Variants in DAB1 observed in about 807,000 individuals in gnomAD.
The protein encoded by DAB1 is DAB adaptor protein 1.
DAB1 carries 15 observed loss-of-function variants against 64.6 expected under a neutral mutation model. The observed-to-expected ratio is 0.23, with a 90% CI of 0.16 to 0.36. DAB1 has a LOEUF of 0.36. Ranked by LOEUF, DAB1 falls within the 10% of genes least tolerant of loss-of-function variation. The pLI is 1.00. For synonymous variants in DAB1, 235 were observed against 251.9 expected, an observed-to-expected ratio of 0.93 and a Z score of 0.64; for missense variants, 596 against 706.7, an observed-to-expected ratio of 0.84 and a Z score of 1.78.
intron 8 of DAB1, among the ~76,000 whole-genome samples, chr1:57,067,622 T>C (rs541754709): frequency 6.6e-6 from 1 of 152,108 alleles, no homozygotes; most frequent in South Asian, 2.1e-4. Context: ...CTAACCTGCT[T>C]CTCTAAAAAA....
intron 7 of DAB1, among the ~76,000 whole-genome samples, chr1:57,462,109 C>T (rs1427275943): frequency 1.3e-5 from 2 of 151,606 alleles, no homozygotes; most frequent in Non-Finnish European, 2.9e-5. Context: ...CCACCACGCC[C>T]GGCTAATTTT....
intron 5 of DAB1, among the ~76,000 whole-genome samples, chr1:57,986,029 C>G (rs928446112): frequency 2.0e-5 from 3 of 152,170 alleles, no homozygotes; most frequent in Non-Finnish European, 2.9e-5. Context: ...CAAACTGACA[C>G]AGTTGATCAT....
At position 57,189,969 on chromosome 1, in the gene DAB1, G is replaced by A. The variant is rs1046126809; in HGVS notation, c.68-44540C>T. Among the ~76,000 whole-genome samples, 5 of 152,244 alleles carry A rather than the reference G, an allele frequency of 3.3e-5. No homozygotes were observed. The East Asian group carries it at 9.7e-4, about 29-fold the overall frequency. On this transcript the variant is annotated intron_variant, in intron 2 of 14. Coordinates refer to ENST00000371236, the MANE Select transcript of DAB1 (RefSeq NM_001365792.1). ...GACTGAACAGAATTTGGTGTTATGGGGCAGTGCTGGGCACCTGAGGCACAG... is the reference window on the plus strand; with the variant it reads ...GACTGAACAGAATTTGGTGTTATGGAGCAGTGCTGGGCACCTGAGGCACAG...
At chr1:58,219,025 C>CTGTGTG (rs56151181) in intron 4 of DAB1, among the ~76,000 whole-genome samples, 37 of 129,544 alleles carry the variant, frequency 2.9e-4, no homozygotes, top group African/African-American at 9.1e-4. Context: ...CTCTCTCTCT[C>CTGTGTG]TGTGTGTGTG....
intron 1 of DAB1, among the ~76,000 whole-genome samples, chr1:57,881,206 G>A (rs1460005576): frequency 6.6e-6 from 1 of 152,218 alleles, no homozygotes; most frequent in Non-Finnish European, 1.5e-5. Context: ...AAAGCCCCAA[G>A]TGAGTCTCTC....
In DAB1 at chr1:58,063,407, A is replaced by C. The variant is rs371431844; in HGVS notation, n.387+87104T>G. ...AGGAGCAAGGATCCTTGCTCATAAC[A>C]ACCTTTCAGAGAGGACTCTGTAGAC... On this transcript the variant is annotated intron_variant and non_coding_transcript_variant, in intron 5 of 20. Transcript: ENST00000485760. Among the ~76,000 whole-genome samples the C allele has an allele frequency of 7.2e-5, 11 of 152,314 alleles. 1 individual carries two copies. Among genetic ancestry groups the C allele is most frequent in the Admixed American group, 2.6e-4 (4 of 15,298 alleles).
At chr1:57,331,796 G>A (rs1023742604) in intron 1 of DAB1, among the ~76,000 whole-genome samples, 3 of 152,182 alleles carry the variant, frequency 2.0e-5, no homozygotes, top group African/African-American at 7.2e-5. Flanking sequence ...ACTTGGCACT[G>A]AGATGAGAAA....
chr1:57,005,813 C>A (rs373376622), intron 14 of DAB1, among the ~76,000 whole-genome samples: 2 of 152,256 alleles, frequency 1.3e-5, no homozygotes, highest in African/African-American at 2.4e-5. Context: ...TCTACCTTGT[C>A]TGCAATATTT....
At chr1:57,851,572 G>A (rs1022998910) in intron 1 of DAB1, among the ~76,000 whole-genome samples, 7 of 152,262 alleles carry the variant, frequency 4.6e-5, no homozygotes, top group African/African-American at 1.2e-4. Flanking sequence ...ATGGCTGGGC[G>A]GGTTTCCACA....
At chr1:58,133,247 T>C (rs1653748195) in intron 5 of DAB1, among the ~76,000 whole-genome samples, 1 of 152,194 alleles carries the variant, frequency 6.6e-6, no homozygotes, top group African/African-American at 2.4e-5. Context: ...CACTGTGCTA[T>C]TTATGGTCTC....
chr1:58,126,447 CT>C (rs1653089060), intron 5 of DAB1, among the ~76,000 whole-genome samples: 2 of 111,508 alleles, frequency 1.8e-5, no homozygotes, highest in Middle Eastern at 3.9e-3. Flanking sequence ...CAATCTTTTT[CT>C]TTTTTTCTTT....
At chr1:58,369,481 C>T (rs1236469416) in intron 3 of DAB1, among the ~76,000 whole-genome samples, 3 of 152,106 alleles carry the variant, frequency 2.0e-5, no homozygotes, top group African/African-American at 4.8e-5. Flanking sequence ...AATAATGGTG[C>T]GTCTTATAAT....
intron 7 of DAB1, among the ~76,000 whole-genome samples, chr1:57,606,520 TA>T (rs1645643382): frequency 1.4e-5 from 1 of 70,696 alleles, no homozygotes; most frequent in East Asian, 4.6e-4. Flanking sequence ...ATAATATATA[TA>T]ATATATAATA....
At position 58,300,631 on chromosome 1, in the gene DAB1, AGAGAGAGAGAGAGAG is replaced by A. The variant is rs1557726163; in HGVS notation, n.309+42706_309+42720del. Reference sequence around the variant, plus strand: ...AAGAAAGAGAGAGAGAGAGAGAGAGAGAGAGAGAGAGAGAGAGGAAGGAAGGAAGGAAGGAAGGAA... The same window carrying A: ...AAGAAAGAGAGAGAGAGAGAGAGAGAAGGAAGGAAGGAAGGAAGGAAGGAA... On this transcript the variant is annotated intron_variant and non_coding_transcript_variant, in intron 4 of 20. Coordinates refer to the DAB1 transcript ENST00000485760. Among the ~76,000 whole-genome samples the A allele has an allele frequency of 1.6e-3, 102 of 63,074 alleles. 1 individual carries two copies. The highest frequency in any genetic ancestry group is 2.5e-3 in the Admixed American group (17 of 6,888). The allele number at this position is 63,074 out of a possible 152,430, so 41.4% of individuals were successfully genotyped here.
At chr1:57,328,935 T>C (rs1230676814) in intron 1 of DAB1, among the ~76,000 whole-genome samples, 1 of 152,244 alleles carries the variant, frequency 6.6e-6, no homozygotes, top group Non-Finnish European at 1.5e-5. Flanking sequence ...CGTAGTAGTA[T>C]TAATCTACAG....
chr1:57,124,279 A>G (rs1656929803), intron 4 of DAB1, among the ~76,000 whole-genome samples: 1 of 152,234 alleles, frequency 6.6e-6, no homozygotes, highest in African/African-American at 2.4e-5. Flanking sequence ...GAGTGAAAAT[A>G]TAGACACAGA....
At chr1:57,242,823 C>A (rs1386882942) in intron 2 of DAB1, among the ~76,000 whole-genome samples, 1 of 152,134 alleles carries the variant, frequency 6.6e-6, no homozygotes, top group African/African-American at 2.4e-5. Flanking sequence ...CCCTTTCTCG[C>A]TAAGCATTTC....
At chr1:58,423,728 C>G (rs1644794809) in intron 3 of DAB1, among the ~76,000 whole-genome samples, 1 of 152,216 alleles carries the variant, frequency 6.6e-6, no homozygotes, top group Non-Finnish European at 1.5e-5. Flanking sequence ...GCCAGGTGAC[C>G]TTCTTCGTGG....
chr1:57,078,296 T>G (rs181512298), intron 4 of DAB1, among the ~76,000 whole-genome samples: 8 of 152,248 alleles, frequency 5.3e-5, no homozygotes. Flanking sequence ...GGAGGAAAGA[T>G]ATGGACTGTG....
Sources: gnomAD v4.1 joint callset for allele counts (sites outside exome capture counted in the v4.1 genomes callset) on GRCh38, gnomAD v4.1.1 for gene constraint, MANE v1.5 for transcripts, NCBI Gene and HGNC (gene_info 2026-07-23, HGNC 2026-07-21) for gene names.